RBKS: variants seen among roughly 807,000 people sequenced by gnomAD.
The protein encoded by RBKS is ribokinase.
In RBKS, 33 loss-of-function variants were observed where a neutral mutation model predicts 33.9. The observed-to-expected ratio is 0.97, with a 90% CI of 0.74 to 1.30. RBKS has a LOEUF of 1.30. Ranked by LOEUF, RBKS falls within the 50% of genes most tolerant of loss-of-function variation. The pLI is 0.00. For synonymous variants in RBKS, 125 were observed against 143.0 expected (o/e 0.87, Z 0.90); for missense variants, 361 against 392.6 (o/e 0.92, Z 0.68).
At chr2:27,881,054 C>G (rs938812511) in intron 1 of RBKS, among the ~76,000 whole-genome samples, 11 of 150,742 alleles carry the variant, frequency 7.3e-5, no homozygotes, top group Admixed American at 3.3e-4. Flanking sequence ...TCTCTGCAAA[C>G]CAACCAACCA....
intron 1 of RBKS, among the ~76,000 whole-genome samples, chr2:27,864,093 C>A (rs1161531681): frequency 6.6e-6 from 1 of 151,864 alleles, no homozygotes; most frequent in African/African-American, 2.4e-5. Context: ...GTGGTACAAC[C>A]ACAGCTCACT....
rs775765399 is a variant in RBKS at position 27,781,673 on chromosome 2, G to C, written c.911C>G (p.Ala304Gly). The C allele has an allele frequency of 3.2e-5, 51 of 1,613,962 alleles. 1 individual carries two copies. The highest frequency in any genetic ancestry group is 4.2e-5 in the Non-Finnish European group (49 of 1,180,010). ...SNFIAAVSVQ[A>G]AGTQSSYPYK... ...AGGGTAAGATGACTGTGTTCCTGCA[G>C]CCTGGACACTGACTGCTGCAATGAA... The change falls in exon 8 of 8, where the codon GCT becomes GGT. Residue 304 changes from alanine to glycine, a missense_variant. Transcript: ENST00000302188.
rs1041814097 is a variant in RBKS, at chr2:27,810,171, A to G, written c.795+17396T>C. On this transcript the variant is annotated intron_variant, in intron 7 of 7. Coordinates refer to ENST00000302188, the MANE Select transcript of RBKS (RefSeq NM_022128.3). The surrounding 1 kb of genome is among the most constrained non-coding windows in gnomAD (Gnocchi z 4.4). ...GTGCACCTGGTATATTTGTCTACAC[A>G]ACCCAAATTCGTCATATACTGGCTG... The G allele has an allele frequency of 8.3e-7, 1 of 1,200,032 alleles. No individual in the cohort carries two copies. The highest frequency in any genetic ancestry group is 1.1e-6 in the Non-Finnish European group (1 of 926,036). 74.3% of individuals were successfully genotyped at this position (1,200,032 alleles called of 1,614,324 possible).
intron 1 of RBKS, among the ~76,000 whole-genome samples, chr2:27,884,846 A>G (rs1420451647): frequency 6.6e-6 from 1 of 152,200 alleles, no homozygotes; most frequent in African/African-American, 2.4e-5. Flanking sequence ...AAGTTTTAGG[A>G]CTGCAGAGAG....
intron 7 of RBKS, chr2:27,782,738 C>A (rs1024748807): frequency 1.1e-5 from 4 of 360,834 alleles, no homozygotes; most frequent in African/African-American, 2.1e-5. Flanking sequence ...ACTTTGCTCC[C>A]TTTTTTCATG....
At position 27,795,278 on chromosome 2, in the gene RBKS, G is replaced by T. The variant is rs530676676; in HGVS notation, c.796-13490C>A. 1.3e-5 allele frequency among the ~76,000 whole-genome samples: 2 copies of T among 152,282 alleles called. No homozygotes were observed. Among genetic ancestry groups the T allele is most frequent in the Admixed American group, 1.3e-4 (2 of 15,302 alleles). On this transcript the variant is annotated intron_variant, in intron 7 of 7. Transcript: ENST00000302188. This position sits in a 1 kb window ranked among gnomAD's most constrained non-coding sequence, Gnocchi z 4.1. ...GGGGTTCTGTGTTTTTCTGCACAAA[G>T]AGGGCAGCAGTTGGACTACTGAGCC...
intron 7 of RBKS, among the ~76,000 whole-genome samples, chr2:27,789,967 A>ATATG (rs1313360089): frequency 1.3e-4 from 18 of 136,772 alleles, no homozygotes; most frequent in Middle Eastern, 3.7e-3. Context: ...ATATATATAT[A>ATATG]TATATGTATA....
At chr2:27,861,663 T>TGGGGGGGGGG (rs56729802) in intron 1 of RBKS, 5 of 313,278 alleles carry the variant, frequency 1.6e-5, no homozygotes, top group African/African-American at 7.9e-5. Flanking sequence ...CATTTCTTTT[T>TGGGGGGGGGG]GGGGGGGGGG....
intron 1 of RBKS, among the ~76,000 whole-genome samples, chr2:27,888,135 T>C (rs1291433873): frequency 1.4e-5 from 2 of 145,784 alleles, no homozygotes; most frequent in East Asian, 1.9e-4. Flanking sequence ...TTTCTTTTCT[T>C]TTTTTTTTTG....
At chr2:27,844,904 C>T (rs143964262) in intron 4 of RBKS, among the ~76,000 whole-genome samples, 145 of 152,252 alleles carry the variant, frequency 9.5e-4, no homozygotes, top group Middle Eastern at 3.4e-3. Flanking sequence ...TTCTGTGCTC[C>T]GGGCTGCTCG....
intron 1 of RBKS, among the ~76,000 whole-genome samples, chr2:27,861,947 ATTT>A (rs763090773): frequency 4.4e-5 from 5 of 113,708 alleles, no homozygotes; most frequent in Non-Finnish European, 5.4e-5. Context: ...GCCTGGCCTG[ATTT>A]TTTTTTTTTT....
At chr2:27,800,225 T>C (rs1037105281) in intron 7 of RBKS, among the ~76,000 whole-genome samples, 2 of 152,088 alleles carry the variant, frequency 1.3e-5, no homozygotes, top group Admixed American at 6.6e-5. Flanking sequence ...GCCAGCTCTG[T>C]CATCTTTTAA....
intron 5 of RBKS, among the ~76,000 whole-genome samples, chr2:27,841,737 C>T (rs979513799): frequency 6.6e-6 from 1 of 151,480 alleles, no homozygotes; most frequent in African/African-American, 2.4e-5. Flanking sequence ...TAAACACACA[C>T]ACACACACAC....
chr2:27,868,577 T>C (rs1052201236), intron 1 of RBKS, among the ~76,000 whole-genome samples: 1 of 152,210 alleles, frequency 6.6e-6, no homozygotes, highest in South Asian at 2.1e-4. Context: ...GTCATTTATA[T>C]AAGAGCATAA....
intron 6 of RBKS, among the ~76,000 whole-genome samples, chr2:27,829,983 A>G (rs551574965): frequency 6.6e-6 from 1 of 152,194 alleles, no homozygotes; most frequent in South Asian, 2.1e-4. Context: ...TCCGCTATAA[A>G]TGGCACACTT....
chr2:27,848,584 T>G (rs545392410), intron 2 of RBKS, among the ~76,000 whole-genome samples: 2 of 152,342 alleles, frequency 1.3e-5, no homozygotes, highest in African/African-American at 4.8e-5. Flanking sequence ...AATGGAATTG[T>G]GTTTTTGCAT....
intron 1 of RBKS, among the ~76,000 whole-genome samples, chr2:27,862,701 A>G (rs1323363428): frequency 6.6e-6 from 1 of 152,136 alleles, no homozygotes; most frequent in South Asian, 2.1e-4. Flanking sequence ...TATAGTGCTA[A>G]CTGACTATGT....
chr2:27,870,904 T>A (rs1664196509), intron 1 of RBKS: 1 of 457,096 alleles, frequency 2.2e-6, no homozygotes, highest in African/African-American at 2.0e-5. Context: ...AAAAATACAT[T>A]ACACAAAACA....
chr2:27,782,699 T>A (rs1300437170), intron 7 of RBKS: 2 of 412,954 alleles, frequency 4.8e-6, no homozygotes, highest in Non-Finnish European at 1.1e-5. Context: ...GCTAAGGTAG[T>A]CTTTGCCAAG....
Sources: allele counts gnomAD v4.1 joint callset (sites outside exome capture counted in the v4.1 genomes callset), GRCh38; gene constraint gnomAD v4.1.1; non-coding constraint Gnocchi (gnomAD v3.1); transcripts MANE v1.5; gene names NCBI Gene and HGNC (gene_info 2026-07-23, HGNC 2026-07-21).